Variants in NDST4 observed in about 807,000 individuals in gnomAD.
NDST4 encodes N-deacetylase and N-sulfotransferase 4.
A neutral mutation model predicts 100.8 loss-of-function variants in NDST4; 63 were observed. The observed-to-expected ratio is 0.62, with a 90% CI of 0.51 to 0.77. NDST4 has a LOEUF of 0.77. Ranked by LOEUF, NDST4 falls within the 30% of genes least tolerant of loss-of-function variation. NDST4 has a pLI of 0.00. For synonymous variants in NDST4, 377 were observed against 361.8 expected (o/e 1.04, Z -0.48); for missense variants, 943 against 1,018.4 (o/e 0.93, Z 1.01).
intron 2 of NDST4, among the ~76,000 whole-genome samples, chr4:114,979,385 C>G (rs1269698709): frequency 6.7e-6 from 1 of 148,682 alleles, no homozygotes; most frequent in Non-Finnish European, 1.5e-5. Context: ...TCATGTATCT[C>G]ATGTTACTGG....
chr4:115,081,706 G>A (rs1729307041), intron 1 of NDST4, among the ~76,000 whole-genome samples: 1 of 152,110 alleles, frequency 6.6e-6, no homozygotes, highest in Non-Finnish European at 1.5e-5. Flanking sequence ...GTAGTCTAAG[G>A]TGATACACCA....
intron 6 of NDST4, among the ~76,000 whole-genome samples, chr4:114,916,966 A>C (rs1186549856): frequency 1.3e-5 from 2 of 152,088 alleles, no homozygotes; most frequent in Admixed American, 1.3e-4. Context: ...TATTGCTGTG[A>C]GGTGAACATG....
intron 4 of NDST4, among the ~76,000 whole-genome samples, chr4:114,942,741 C>G (rs1725776820): frequency 6.6e-6 from 1 of 151,850 alleles, no homozygotes; most frequent in Non-Finnish European, 1.5e-5. Context: ...TTCCCACACC[C>G]AAAATAATCA....
intron 3 of NDST4, among the ~76,000 whole-genome samples, chr4:114,973,576 T>C (rs1321516082): frequency 6.6e-6 from 1 of 151,908 alleles, no homozygotes; most frequent in East Asian, 1.9e-4. Flanking sequence ...ATAAAAAATG[T>C]TTTAATTCAG....
intron 12 of NDST4, among the ~76,000 whole-genome samples, chr4:114,830,114 T>C: frequency 6.6e-6 from 1 of 152,308 alleles, no homozygotes; most frequent in East Asian, 1.9e-4. Flanking sequence ...AAAAAAGAAA[T>C]AGATCTTTAG....
At chr4:114,844,399 T>C (rs575388578) in intron 10 of NDST4, among the ~76,000 whole-genome samples, 69 of 152,198 alleles carry the variant, frequency 4.5e-4, no homozygotes, top group Non-Finnish European at 9.1e-4. Flanking sequence ...CTGCAACTCC[T>C]ATAGGTCTCT....
intron 2 of NDST4, among the ~76,000 whole-genome samples, chr4:115,061,246 C>A (rs571542928): frequency 5.3e-5 from 8 of 152,122 alleles, no homozygotes; most frequent in African/African-American, 1.4e-4. Flanking sequence ...CCAGAAATAC[C>A]ATTTGACTCA....
chr4:114,896,570 G>GC (rs1724717646), intron 6 of NDST4, among the ~76,000 whole-genome samples: 1 of 149,624 alleles, frequency 6.7e-6, no homozygotes, highest in African/African-American at 2.5e-5. Flanking sequence ...GTTGCAGTGA[G>GC]CCAAGATTGC....
At chr4:115,036,450 T>C (rs189211401) in intron 2 of NDST4, among the ~76,000 whole-genome samples, 33 of 151,518 alleles carry the variant, frequency 2.2e-4, no homozygotes, top group African/African-American at 8.0e-4. Context: ...ATTCAAAACA[T>C]TATAAATAAC....
At chr4:114,855,944 C>G (rs1723783891) in intron 7 of NDST4, among the ~76,000 whole-genome samples, 2 of 152,168 alleles carry the variant, frequency 1.3e-5, no homozygotes, top group Admixed American at 6.6e-5. Context: ...CAATCCTTCT[C>G]AAATTTGCAT....
intron 2 of NDST4, among the ~76,000 whole-genome samples, chr4:115,040,367 C>A (rs557401829): frequency 4.0e-5 from 6 of 149,040 alleles, no homozygotes; most frequent in Non-Finnish European, 7.4e-5. Flanking sequence ...ACAATATGAA[C>A]TACCAAAAAA....
At chr4:114,914,213 G>A (rs1247881388) in intron 6 of NDST4, among the ~76,000 whole-genome samples, 1 of 151,878 alleles carries the variant, frequency 6.6e-6, no homozygotes, top group Non-Finnish European at 1.5e-5. Context: ...GGGGGAGGTG[G>A]GGATAATTAA....
At chr4:114,893,922 G>A (rs1197607999) in intron 6 of NDST4, among the ~76,000 whole-genome samples, 2 of 152,172 alleles carry the variant, frequency 1.3e-5, no homozygotes, top group Non-Finnish European at 2.9e-5. Context: ...TGTGTAAGGT[G>A]TAAGGAAGGG....
chr4:115,055,813 A>G (rs1175281598), intron 2 of NDST4, among the ~76,000 whole-genome samples: 3 of 152,172 alleles, frequency 2.0e-5, no homozygotes, highest in African/African-American at 7.2e-5. Flanking sequence ...AGCCAGAAAG[A>G]GTAAGTATAA....
At chr4:115,108,301 C>T (rs553777315) in intron 1 of NDST4, among the ~76,000 whole-genome samples, 1 of 151,890 alleles carries the variant, frequency 6.6e-6, no homozygotes, top group East Asian at 1.9e-4. Context: ...TTCAATACAT[C>T]AAGAAGAAGA....
intron 2 of NDST4, among the ~76,000 whole-genome samples, chr4:115,052,412 A>G (rs1383001): frequency 0.45 from 69,076 of 151,968 alleles, 17,410 homozygotes; most frequent in Non-Finnish European, 0.59. Context: ...CTATCCATTC[A>G]TGTTACAGTT....
chr4:114,984,476 G>A (rs1371049690), intron 2 of NDST4, among the ~76,000 whole-genome samples: 1 of 151,926 alleles, frequency 6.6e-6, no homozygotes, highest in African/African-American at 2.4e-5. Context: ...GCCTAATACA[G>A]TCTTATATTT....
rs536088606 is a variant in NDST4, at chr4:115,017,396, C to A, written c.979-40122G>T. On this transcript the variant is annotated intron_variant, in intron 2 of 13. Coordinates refer to ENST00000264363, the MANE Select transcript of NDST4 (RefSeq NM_022569.3). ...TTTGTTTTATCCACCAAACACATTACCCAAATAAAAAAGCCACATTACAGA... is the reference window on the plus strand; with the variant it reads ...TTTGTTTTATCCACCAAACACATTAACCAAATAAAAAAGCCACATTACAGA... 5.3e-5 allele frequency among the ~76,000 whole-genome samples: 8 copies of A among 152,010 alleles called. No individual in the cohort carries two copies. In the South Asian group the frequency reaches 1.7e-3, roughly 32 times the overall value.
chr4:114,916,295 C>G (rs1171288419), intron 6 of NDST4, among the ~76,000 whole-genome samples: 1 of 152,020 alleles, frequency 6.6e-6, no homozygotes, highest in East Asian at 1.9e-4. Context: ...TAAGTGCCCC[C>G]ACATGTGATC....
Sources: allele counts gnomAD v4.1 joint callset (sites outside exome capture counted in the v4.1 genomes callset), GRCh38; gene constraint gnomAD v4.1.1; transcripts MANE v1.5; gene names NCBI Gene and HGNC (gene_info 2026-07-23, HGNC 2026-07-21).